Variants in DSC1 observed in about 807,000 individuals in gnomAD.
The protein encoded by DSC1 is desmocollin-1.
Under a neutral mutation model 98.8 loss-of-function variants are expected in DSC1, and 79 were observed. That is an observed-to-expected ratio of 0.80 (90% CI 0.67 to 0.96). The LOEUF is 0.96. Ranked by LOEUF, DSC1 falls within the 50% of genes least tolerant of loss-of-function variation. The pLI, the probability that DSC1 is intolerant of heterozygous loss-of-function variation, is 0.00. For missense variants in DSC1, 1,115 were observed against 1,075.9 expected (o/e 1.04, Z -0.51); for synonymous variants, 405 against 372.1 (o/e 1.09, Z -1.02).
In DSC1 at chr18:31,134,012, A is replaced by T. The variant is rs763057981; in HGVS notation, c.1995T>A (p.Cys665Ter). 1 of 1,613,318 alleles carries T rather than the reference A, an allele frequency of 6.2e-7. No individual in the cohort carries two copies. The highest frequency in any genetic ancestry group is 1.7e-4 in the Middle Eastern group (1 of 6,058). Residue 665 changes from cysteine to a stop codon, truncating the protein, a stop_gained, in exon 13 of 16, where the codon TGT becomes TGA. Coordinates refer to ENST00000257198, the MANE Select transcript of DSC1 (RefSeq NM_024421.2). LOFTEE classifies it high-confidence loss of function. Reference sequence around the variant, plus strand: ...TACACTCAGATGGAGTTGAACAGTCACATACTCTCACTGTTAACATATGTG... The same window carrying T: ...TACACTCAGATGGAGTTGAACAGTCTCATACTCTCACTGTTAACATATGTG... ...VATHMLTVRVCDCSTPSECRM... is the reference protein window; with the variant it reads ...VATHMLTVRV
chr18:31,130,653 G>A lies in DSC1; in HGVS notation c.2546C>T (p.Ser849Leu), dbSNP rs754736071. Reference sequence around the variant, plus strand: ...AGAACCTTTGCCTTCATAGTTATACGAACAAACGTAGTCTTCACAATGTTT... The same window carrying A: ...AGAACCTTTGCCTTCATAGTTATACAAACAAACGTAGTCTTCACAATGTTT... ...EHKHCEDYVC[S>L]YNYEGKGSLA... is the part of the protein sequence containing the mutation. Residue 849 changes from serine (S) to leucine (L), a missense_variant, in exon 16 of 16, where the codon TCG (serine) becomes TTG (leucine). Transcript: ENST00000257198. 25 of 1,613,934 alleles carry A rather than the reference G, an allele frequency of 1.5e-5. No individual in the cohort carries two copies. The highest frequency in any genetic ancestry group is 3.3e-5 in the Admixed American group (2 of 59,990).
At chr18:31,154,444 C>T (rs944707408) in intron 5 of DSC1, among the ~76,000 whole-genome samples, 1 of 152,006 alleles carries the variant, frequency 6.6e-6, no homozygotes, top group Non-Finnish European at 1.5e-5. Context: ...TTATAATGTA[C>T]AGCCATGGTT....
Position 31,131,898 on chromosome 18 carries a change from A to G in DSC1, c.2239-56T>C, listed in dbSNP as rs908405496. 5.0e-6 allele frequency: 8 copies of G among 1,592,388 alleles called. No individual in the cohort carries two copies. In the South Asian group the frequency reaches 9.0e-5, roughly 18 times the overall value. ...TTTGAAAAATGGAAACTAACAATTC[A>G]TTTTCATTTTTTTTCACCATAGGCA... On this transcript the variant is annotated intron_variant, in intron 14 of 15. Coordinates refer to ENST00000257198, the MANE Select transcript of DSC1 (RefSeq NM_024421.2).
chr18:31,142,105 G>C lies in DSC1; in HGVS notation c.1154C>G (p.Thr385Ser), dbSNP rs770838097. ...MKVQDQDLPN[T>S]PHSKAVYKIL... The stretch of plus-strand genomic sequence containing the variant: ...TTTGTATACAGCCTTTGAGTGAGGA[G>C]TGTTTGGCAAATCCTGATCCTGTAC... Residue 385 changes from threonine to serine, a missense_variant, in exon 9 of 16, where the codon ACT becomes AGT. Physicochemically the swap from Thr to Ser is moderately conservative, Grantham distance 58. Transcript: ENST00000257198. 7.4e-6 allele frequency: 12 copies of C among 1,613,296 alleles called. No individual in the cohort carries two copies. The highest frequency in any genetic ancestry group is 3.3e-4 in the Middle Eastern group (2 of 6,058).
intron 11 of DSC1, among the ~76,000 whole-genome samples, chr18:31,138,008 TGG>T (rs1392477645): frequency 1.4e-5 from 2 of 145,484 alleles, no homozygotes; most frequent in Non-Finnish European, 3.0e-5. Context: ...TGTGTGTGTG[TGG>T]ATTAAAGTTC....
intron 3 of DSC1, 81 bp from the exon 4 acceptor site, chr18:31,156,243 A>G: frequency 6.6e-7 from 1 of 1,511,834 alleles, no homozygotes; most frequent in East Asian, 2.3e-5. Context: ...TACATCAACA[A>G]GCAGATGTAA....
At chr18:31,132,015 A>T (rs1287255443) in intron 14 of DSC1, 173 bp from the exon 15 acceptor site, 1 of 724,880 alleles carries the variant, frequency 1.4e-6, no homozygotes, top group Non-Finnish European at 2.2e-6. Context: ...GTCCCCTAAA[A>T]ATTCATATGC....
At chr18:31,153,631 A>G (rs1989041301) in intron 5 of DSC1, among the ~76,000 whole-genome samples, 2 of 152,194 alleles carry the variant, frequency 1.3e-5, no homozygotes, top group South Asian at 4.1e-4. Flanking sequence ...TTTGGAGGAT[A>G]TCCTTACGAT....
At chr18:31,150,375 T>TCAGCAGCAGCACCATCATCACCACACTAC (rs1555645626) in intron 5 of DSC1, among the ~76,000 whole-genome samples, 4 of 30,790 alleles carry the variant, frequency 1.3e-4, no homozygotes, top group African/African-American at 5.4e-4. Flanking sequence ...ACCACCACCA[T>TCAGCAGCAGCACCATCATCACCACACTAC]CATCACCACC....
chr18:31,147,153 A>AT (rs56408436), intron 6 of DSC1, among the ~76,000 whole-genome samples: 2,208 of 150,528 alleles, frequency 0.015, 21 homozygotes, highest in Middle Eastern at 0.021. Flanking sequence ...AATCAGTTTA[A>AT]TTTTTTTTTT....
chr18:31,134,441 GTAT>G (rs752855337), intron 12 of DSC1, 128 bp downstream of exon 12: 17 of 872,242 alleles, frequency 1.9e-5, no homozygotes, highest in Non-Finnish European at 2.6e-5. Flanking sequence ...TAAAGATTAG[GTAT>G]TGTTGTTTTT....
intron 8 of DSC1, among the ~76,000 whole-genome samples, chr18:31,143,424 G>A (rs1020352939): frequency 2.0e-5 from 3 of 151,010 alleles, no homozygotes; most frequent in Non-Finnish European, 4.4e-5. Context: ...GCTACGTCTA[G>A]GGCTAAGAAG....
In DSC1 at chr18:31,140,061, A is replaced by G. The variant is rs760846972; in HGVS notation, c.1501T>C (p.Ser501Pro). 6.2e-7 allele frequency: 1 copy of G among 1,613,982 alleles called. No homozygotes were observed. Among genetic ancestry groups the G allele is most frequent in the Non-Finnish European group, 8.5e-7 (1 of 1,179,910 alleles). Residue 501 changes from serine to proline, a missense_variant, in exon 10 of 16, where the codon TCC (serine) becomes CCC (proline). Physicochemically the swap from Ser to Pro is moderately conservative, Grantham distance 74. Transcript: ENST00000257198. ...CATCACCTTAAGCCTTCACCACTGG[A>G]TATTTCCGGGTCCAGTGCTTTGTAT... ...LGYKALDPEI[S>P]SGEGLRYQKL...
At chr18:31,162,305 C>A (rs1816632) in intron 1 of DSC1, among the ~76,000 whole-genome samples, 97,869 of 152,018 alleles carry the variant, frequency 0.64, 31,909 homozygotes, top group East Asian at 0.81. Context: ...CCCTTGAAAA[C>A]TTTTAACACT....
At chr18:31,139,975 C>T in intron 10 of DSC1, 67 bp downstream of exon 10, 2 of 1,565,314 alleles carry the variant, frequency 1.3e-6, no homozygotes, top group Non-Finnish European at 1.7e-6. Context: ...ATACATAAAA[C>T]ATTCATAACT....
chr18:31,148,818 G>T (rs1440249355), intron 5 of DSC1, among the ~76,000 whole-genome samples, 176 bp from the exon 6 acceptor site: 5 of 151,990 alleles, frequency 3.3e-5, no homozygotes, highest in Non-Finnish European at 7.4e-5. Flanking sequence ...CCTGCCATGT[G>T]ATTTCAATCC....
chr18:31,145,498 A>G, intron 7 of DSC1, 113 bp downstream of exon 7: 1 of 1,216,988 alleles, frequency 8.2e-7, no homozygotes, highest in Non-Finnish European at 1.2e-6. Context: ...ACCGCAGCCT[A>G]CAGAAGCATG....
intron 5 of DSC1, among the ~76,000 whole-genome samples, chr18:31,152,864 C>T (rs1187093667): frequency 7.1e-6 from 1 of 141,758 alleles, no homozygotes; most frequent in Non-Finnish European, 1.5e-5. Context: ...CTATTCTATC[C>T]TGCTTCAAGT....
intron 11 of DSC1, among the ~76,000 whole-genome samples, chr18:31,136,713 T>C (rs552068368): frequency 6.6e-6 from 1 of 152,298 alleles, no homozygotes; most frequent in East Asian, 1.9e-4. Flanking sequence ...ACAAATCTTA[T>C]AATGTTTCAA....
Sources: allele counts gnomAD v4.1 joint callset (sites outside exome capture counted in the v4.1 genomes callset), GRCh38; gene constraint gnomAD v4.1.1; transcripts MANE v1.5; gene names NCBI Gene and HGNC (gene_info 2026-07-23, HGNC 2026-07-21).